Variants in KDM7A observed in about 807,000 individuals in gnomAD.
The protein encoded by KDM7A is lysine-specific demethylase 7A.
In KDM7A, 28 loss-of-function variants were observed where a neutral mutation model predicts 114.8. The ratio of observed to expected loss-of-function variants is 0.24; its 90% CI spans 0.18 to 0.33. The LOEUF (loss-of-function observed/expected upper bound fraction) is 0.33, where lower values mean the gene tolerates loss of function less well. Among genes scored for constraint, KDM7A ranks in the 10% least tolerant of loss-of-function variants. KDM7A has a pLI of 1.00. For missense variants in KDM7A, 942 were observed against 1,142.5 expected (o/e 0.82, Z 2.53); for synonymous variants, 423 against 397.8 (o/e 1.06, Z -0.75).
intron 4 of KDM7A, 68 bp from the exon 5 acceptor site, chr7:140,127,651 A>G: frequency 7.6e-7 from 1 of 1,307,222 alleles, no homozygotes. Flanking sequence ...CTAATCAAAA[A>G]ATATTTTAAC....
intron 4 of KDM7A, 63 bp downstream of exon 4, chr7:140,129,430 C>T: frequency 7.7e-7 from 1 of 1,295,826 alleles, no homozygotes; most frequent in South Asian, 1.2e-5. Context: ...ATTAATATTA[C>T]CAGGACTATC....
Position 140,169,745 on chromosome 7 carries a change from C to T in KDM7A, c.194+6999G>A, listed in dbSNP as rs540032271. Among the ~76,000 whole-genome samples, 4 of 152,114 alleles carry T rather than the reference C, an allele frequency of 2.6e-5. No homozygotes were observed. The East Asian group carries it at 7.7e-4, about 29-fold the overall frequency. On this transcript the variant is annotated intron_variant, in intron 1 of 19. Transcript: ENST00000397560. ...TTCACCATGTTGGTCAGGCTGGTGT[C>T]GAACTTCTGACCTTGTGATCCGCCC...
chr7:140,120,066 A>C (rs1818594713), intron 8 of KDM7A, among the ~76,000 whole-genome samples: 1 of 152,214 alleles, frequency 6.6e-6, no homozygotes, highest in Non-Finnish European at 1.5e-5. Flanking sequence ...AGGTGTTTTG[A>C]TAGCAGTCCT....
chr7:140,140,537 A>G (rs1004398286), intron 1 of KDM7A, among the ~76,000 whole-genome samples: 4 of 152,128 alleles, frequency 2.6e-5, no homozygotes, highest in African/African-American at 7.2e-5. Context: ...GCACTTTGGG[A>G]GGCCGAGGCG....
intron 2 of KDM7A, among the ~76,000 whole-genome samples, chr7:140,138,149 T>C (rs1186829006): frequency 6.6e-6 from 1 of 151,750 alleles, no homozygotes; most frequent in Non-Finnish European, 1.5e-5. Flanking sequence ...CTTTACAAAA[T>C]ATCAAAAAAT....
intron 18 of KDM7A, 123 bp from the exon 19 acceptor site, chr7:140,092,200 C>T (rs1186363671): frequency 4.5e-6 from 4 of 898,508 alleles, no homozygotes; most frequent in Non-Finnish European, 3.4e-6. Flanking sequence ...ATTTTCTTAA[C>T]ATCTATTAGC....
intron 11 of KDM7A, among the ~76,000 whole-genome samples, chr7:140,103,583 T>C (rs910949299): frequency 8.5e-5 from 13 of 152,116 alleles, no homozygotes; most frequent in African/African-American, 2.7e-4. Context: ...GTCCTTGTGA[T>C]AGTTTGCTGA....
At position 140,096,921 on chromosome 7, in the gene KDM7A, T is replaced by G. The variant is rs375421715; in HGVS notation, c.2143A>C (p.Arg715=). Residue 715 remains arginine, a synonymous_variant, in exon 16 of 20, where the codon AGA becomes CGA. Coordinates refer to ENST00000397560, the MANE Select transcript of KDM7A (RefSeq NM_030647.2). ...NFLQKSQKPS[R]SEIPIKRECP... ...TACCTTTTAATTGGAATTTCACTTC[T>G]AGATGGCTTCTGGCTCTTTTGAAGG... is the stretch of plus-strand genomic sequence containing the variant. 2.4e-5 allele frequency: 38 copies of G among 1,613,798 alleles called. No homozygotes were observed. The African/African-American group carries it at 4.9e-4, about 21-fold the overall frequency.
intron 1 of KDM7A, among the ~76,000 whole-genome samples, chr7:140,156,129 A>C (rs1794455679): frequency 6.6e-6 from 1 of 152,248 alleles, no homozygotes. Context: ...GAGAAATAAG[A>C]CAGCAACAAA....
chr7:140,144,753 G>A (rs1217547238), intron 1 of KDM7A, among the ~76,000 whole-genome samples: 1 of 151,274 alleles, frequency 6.6e-6, no homozygotes, highest in African/African-American at 2.4e-5. Flanking sequence ...ATGCTGAAAC[G>A]TAATCCACAA....
At position 140,171,655 on chromosome 7, in the gene KDM7A, T is replaced by A. The variant is rs958915800; in HGVS notation, c.194+5089A>T. Among the ~76,000 whole-genome samples, 7 of 148,172 alleles carry A rather than the reference T, an allele frequency of 4.7e-5. No homozygotes were observed. In the East Asian group the frequency reaches 1.2e-3, roughly 25 times the overall value. ...TATATATTTATTTTATATATATTTA[T>A]ATTTATATGTCCTGAATCTCAGAAA... On this transcript the variant is annotated intron_variant, in intron 1 of 19. Transcript: ENST00000397560.
intron 9 of KDM7A, among the ~76,000 whole-genome samples, chr7:140,116,940 C>T (rs1044085076): frequency 6.6e-6 from 1 of 152,172 alleles, no homozygotes; most frequent in Admixed American, 6.5e-5. Context: ...ATTTAACCCA[C>T]CATATAAGCC....
intron 6 of KDM7A, among the ~76,000 whole-genome samples, chr7:140,125,086 G>C (rs1818677893): frequency 6.6e-6 from 1 of 152,192 alleles, no homozygotes; most frequent in African/African-American, 2.4e-5. Context: ...TTGTCAAATA[G>C]AGAAGTAAAT....
Position 140,091,967 on chromosome 7 carries a change from T to C in KDM7A, c.2568A>G (p.Gly856=), listed in dbSNP as rs1818027964. The C allele has an allele frequency of 6.2e-7, 1 of 1,613,944 alleles. No individual in the cohort carries two copies. Among genetic ancestry groups the C allele is most frequent in the Non-Finnish European group, 8.5e-7 (1 of 1,180,006 alleles). The part of the protein sequence containing the change: ...VDSSGSSLQN[G]KYMQNSNLTS... ...TCAGGTTTGAATTCTGCATATACTTTCCATTCTGAAGGCTTGAGCCGCTGC... is the reference window on the plus strand; with the variant it reads ...TCAGGTTTGAATTCTGCATATACTTCCCATTCTGAAGGCTTGAGCCGCTGC... The change falls in exon 19 of 20, where the codon GGA becomes GGG. Residue 856 remains glycine, a synonymous_variant. Transcript: ENST00000397560.
rs150246003 is a variant in KDM7A, at chr7:140,166,428, C to T, written c.194+10316G>A. 8.2e-3 allele frequency among the ~76,000 whole-genome samples: 1,235 copies of T among 150,786 alleles called. 18 individuals are homozygous for T. The highest frequency in any genetic ancestry group is 0.028 in the African/African-American group (1,135 of 40,912). ...GATCATGGCTCACTGCAGCTTCAAC[C>T]TCCCAAGCTCAAGCAATCCTCCCGC... On this transcript the variant is annotated intron_variant, in intron 1 of 19. Transcript: ENST00000397560.
intron 7 of KDM7A, among the ~76,000 whole-genome samples, chr7:140,123,164 G>C (rs1464167395): frequency 6.6e-6 from 1 of 152,140 alleles, no homozygotes; most frequent in Non-Finnish European, 1.5e-5. Flanking sequence ...ACACCCACTA[G>C]AATAGAATAG....
At chr7:140,112,435 C>G (rs554418847) in intron 10 of KDM7A, among the ~76,000 whole-genome samples, 2 of 152,188 alleles carry the variant, frequency 1.3e-5, no homozygotes, top group African/African-American at 4.8e-5. Flanking sequence ...CATGGCGAAA[C>G]CTCATTTCTA....
Position 140,100,031 on chromosome 7 carries a change from T to C in KDM7A, c.1639-8A>G. 6.2e-7 allele frequency: 1 copy of C among 1,614,048 alleles called. No homozygotes were observed. Among genetic ancestry groups the C allele is most frequent in the Non-Finnish European group, 8.5e-7 (1 of 1,179,932 alleles). ...TTTAGAGCTCAAGATGTCCTGAAGG[T>C]ATAAATGCAGAACTTACTTACCATC... On this transcript the variant is annotated splice_polypyrimidine_tract_variant and splice_region_variant and intron_variant, in intron 12 of 19. Transcript: ENST00000397560.
intron 1 of KDM7A, among the ~76,000 whole-genome samples, chr7:140,169,965 C>T (rs968850347): frequency 6.6e-6 from 1 of 152,082 alleles, no homozygotes; most frequent in African/African-American, 2.4e-5. Flanking sequence ...GTGAAACACA[C>T]AAATACTCAT....
Sources: gnomAD v4.1 joint callset for allele counts (sites outside exome capture counted in the v4.1 genomes callset) on GRCh38, gnomAD v4.1.1 for gene constraint, MANE v1.5 for transcripts, NCBI Gene and HGNC (gene_info 2026-07-23, HGNC 2026-07-21) for gene names.